The following YEATS2 variants were observed in gnomAD, a reference collection of about 807,000 sequenced individuals.
YEATS2 encodes YEATS domain-containing protein 2.
YEATS2 carries 77 observed loss-of-function variants against 163.2 expected under a neutral mutation model. That is an observed-to-expected ratio of 0.47 (90% CI 0.39 to 0.57). The LOEUF is 0.57. YEATS2 is among the 20% of genes least tolerant of loss of function. YEATS2 has a pLI of 0.00. For synonymous variants in YEATS2, 631 were observed against 645.1 expected (o/e 0.98, Z 0.33); for missense variants, 1,549 against 1,729.8 (o/e 0.90, Z 1.85).
intron 15 of YEATS2, among the ~76,000 whole-genome samples, chr3:183,770,906 A>G (rs1455272217): frequency 1.3e-5 from 2 of 152,182 alleles, no homozygotes; most frequent in African/African-American, 2.4e-5. Flanking sequence ...CCATTCCTCT[A>G]TCTGTAGACG....
intron 28 of YEATS2, chr3:183,807,438 A>C: frequency 3.2e-6 from 1 of 309,956 alleles, no homozygotes; most frequent in Non-Finnish European, 6.2e-6. Flanking sequence ...CCTTTCCCTC[A>C]TGAGGCACGT....
At chr3:183,806,573 C>G (rs1035208282) in intron 27 of YEATS2, 1 of 453,284 alleles carries the variant, frequency 2.2e-6, no homozygotes, top group African/African-American at 2.0e-5. Context: ...GTCCTTAATA[C>G]TCAGAGGGAG....
At position 183,806,876 on chromosome 3, in the gene YEATS2, A is replaced by G. The variant is rs751880807; in HGVS notation, c.3795A>G (p.Ser1265=). 1.9e-6 allele frequency: 3 copies of G among 1,613,924 alleles called. No individual in the cohort carries two copies. The East Asian group carries it at 6.7e-5, about 36-fold the overall frequency. ...TTGCCTGTCATTTAGAGTGCCCATC[A>G]TCATTCTCCTCTGCTGACAACCTCT... The part of the protein sequence containing the change: ...TQIDSEPECP[S]SFSSADNLCR... Residue 1265 remains serine, a synonymous_variant, in exon 28 of 31, where the codon TCA becomes TCG. Transcript: ENST00000305135.
At chr3:183,710,162 A>G (rs1419292121) in intron 1 of YEATS2, among the ~76,000 whole-genome samples, 1 of 152,166 alleles carries the variant, frequency 6.6e-6, no homozygotes, top group Non-Finnish European at 1.5e-5. Flanking sequence ...AGTATTTTCA[A>G]TTTCAGCTGA....
At chr3:183,732,232 C>T (rs1204425067) in intron 7 of YEATS2, among the ~76,000 whole-genome samples, 2 of 151,388 alleles carry the variant, frequency 1.3e-5, no homozygotes, top group East Asian at 2.0e-4. Context: ...AGGTGGATCA[C>T]GAGATCAGGC....
At chr3:183,761,399 T>A in intron 13 of YEATS2, 108 bp from the exon 14 acceptor site, 2 of 1,106,140 alleles carry the variant, frequency 1.8e-6, no homozygotes, top group Non-Finnish European at 2.7e-6. Context: ...TCTTTTTATT[T>A]CTTTATATTG....
rs770670511 is a variant in YEATS2, at chr3:183,724,420, A to T, written c.539A>T (p.Asp180Val). 5 of 1,607,040 alleles carry T rather than the reference A, an allele frequency of 3.1e-6. No homozygotes were observed. ...GATGTTGATTATGATTTTTTTCAGGATACTTCTAGAATTACTGGCTCCCAT... is the reference window on the plus strand; with the variant it reads ...GATGTTGATTATGATTTTTTTCAGGTTACTTCTAGAATTACTGGCTCCCAT... ...EQRPSRNTGR[D>V]TSRITGSHKT... Residue 180 changes from aspartate (D) to valine (V), a missense_variant and splice_region_variant, in exon 6 of 31, where the codon GAT becomes GTT. Physicochemically the swap from Asp to Val is radical, Grantham distance 152. Coordinates refer to ENST00000305135, the MANE Select transcript of YEATS2 (RefSeq NM_018023.5).
chr3:183,799,817 GTT>G (rs71629992), intron 23 of YEATS2, among the ~76,000 whole-genome samples: 104 of 133,042 alleles, frequency 7.8e-4, no homozygotes, highest in African/African-American at 2.6e-3. Context: ...GAGTAGCATT[GTT>G]TTTTTTTTTT....
At chr3:183,725,683 C>T (rs1462698397) in intron 6 of YEATS2, among the ~76,000 whole-genome samples, 1 of 152,226 alleles carries the variant, frequency 6.6e-6, no homozygotes, top group Non-Finnish European at 1.5e-5. Context: ...TTACCTCCCA[C>T]TGCGTCCCTT....
chr3:183,761,664 C>T (rs1389578829), intron 14 of YEATS2, 50 bp downstream of exon 14: 2 of 1,554,466 alleles, frequency 1.3e-6, no homozygotes, highest in Admixed American at 1.7e-5. Context: ...CTTTTTGTGG[C>T]ATGTTGGAGT....
At chr3:183,772,775 A>ACC in intron 16 of YEATS2, among the ~76,000 whole-genome samples, 1 of 151,286 alleles carries the variant, frequency 6.6e-6, no homozygotes, top group East Asian at 2.0e-4. Context: ...ACACACACAC[A>ACC]CACCCACATA....
intron 15 of YEATS2, among the ~76,000 whole-genome samples, chr3:183,771,469 A>G (rs1427558584): frequency 6.8e-6 from 1 of 148,010 alleles, no homozygotes; most frequent in Admixed American, 6.7e-5. Context: ...TACTTTTGGA[A>G]CTAGATACTT....
intron 27 of YEATS2, 36 bp from the exon 28 acceptor site, chr3:183,806,830 C>T (rs748811956): frequency 1.9e-6 from 3 of 1,610,232 alleles, no homozygotes; most frequent in Non-Finnish European, 2.5e-6. Flanking sequence ...TCCGTTGGCC[C>T]CACAGCTGTT....
intron 17 of YEATS2, among the ~76,000 whole-genome samples, chr3:183,774,598 AGGC>A (rs1722788592): frequency 6.6e-6 from 1 of 152,216 alleles, no homozygotes; most frequent in Non-Finnish European, 1.5e-5. Flanking sequence ...CATGGAAATG[AGGC>A]AGTTTATCTG....
chr3:183,710,285 C>T (rs1715061576), intron 1 of YEATS2, among the ~76,000 whole-genome samples: 1 of 152,140 alleles, frequency 6.6e-6, no homozygotes, highest in African/African-American at 2.4e-5. Context: ...CAAGAAGAGT[C>T]CAGAAGGTAA....
At chr3:183,776,249 A>T in intron 18 of YEATS2, 126 bp downstream of exon 18, 1 of 990,230 alleles carries the variant, frequency 1.0e-6, no homozygotes, top group East Asian at 2.8e-5. Flanking sequence ...CGTGTTATCT[A>T]TATCTATATC....
chr3:183,754,735 GGAGTTAAATTTTAAGGGTTA>G (rs1720537453), intron 11 of YEATS2, among the ~76,000 whole-genome samples: 1 of 152,126 alleles, frequency 6.6e-6, no homozygotes, highest in Admixed American at 6.5e-5. Flanking sequence ...CCTTTGGCAT[GGAGTTAAATTTTAAGGGTTA>G]GAGTTGGTTG....
chr3:183,778,641 C>T (rs1723253977), intron 19 of YEATS2, among the ~76,000 whole-genome samples: 1 of 152,078 alleles, frequency 6.6e-6, no homozygotes. Flanking sequence ...CAGGCGTGAT[C>T]CGCTCCTGGC....
chr3:183,796,541 G>A (rs1190308021), intron 21 of YEATS2, among the ~76,000 whole-genome samples: 1 of 150,414 alleles, frequency 6.6e-6, no homozygotes, highest in Non-Finnish European at 1.5e-5. Flanking sequence ...AAACGATGAG[G>A]TGTGGTGTGT....
Sources: gnomAD v4.1 joint callset for allele counts (sites outside exome capture counted in the v4.1 genomes callset) on GRCh38, gnomAD v4.1.1 for gene constraint, MANE v1.5 for transcripts, NCBI Gene and HGNC (gene_info 2026-07-23, HGNC 2026-07-21) for gene names.